SEMA5A: variants seen among roughly 807,000 people sequenced by gnomAD.
SEMA5A encodes semaphorin 5A.
A neutral mutation model predicts 135.5 loss-of-function variants in SEMA5A; 55 were observed. The ratio of observed to expected loss-of-function variants is 0.41; its 90% CI spans 0.33 to 0.51. SEMA5A has a LOEUF of 0.51. Among genes scored for constraint, SEMA5A ranks in the 20% least tolerant of loss-of-function variants. The pLI, the probability that SEMA5A is intolerant of heterozygous loss-of-function variation, is 0.37. For missense variants in SEMA5A, 1,290 were observed against 1,419.9 expected, an observed-to-expected ratio of 0.91 and a Z score of 1.47; for synonymous variants, 580 against 546.5, an observed-to-expected ratio of 1.06 and a Z score of -0.85.
intron 8 of SEMA5A, among the ~76,000 whole-genome samples, chr5:9,206,069 T>C (rs1745997609): frequency 6.6e-6 from 1 of 152,328 alleles, no homozygotes; most frequent in East Asian, 1.9e-4. Context: ...TTAAGTTCTG[T>C]CTTTTCTCAA....
chr5:9,237,719 C>T, intron 6 of SEMA5A, 109 bp downstream of exon 6: 1 of 932,278 alleles, frequency 1.1e-6, no homozygotes, highest in Non-Finnish European at 1.6e-6. Context: ...TTGCTTTTTT[C>T]ACTTTACATG....
chr5:9,384,966 G>T (rs1420551691), intron 2 of SEMA5A, among the ~76,000 whole-genome samples: 1 of 152,044 alleles, frequency 6.6e-6, no homozygotes, highest in Non-Finnish European at 1.5e-5. Flanking sequence ...AATTTTCAAA[G>T]GATCAAAGTT....
intron 3 of SEMA5A, among the ~76,000 whole-genome samples, chr5:9,352,094 C>CGGA (rs1554023405): frequency 7.6e-6 from 1 of 132,252 alleles, no homozygotes; most frequent in East Asian, 2.4e-4. Flanking sequence ...TGTAACAGGT[C>CGGA]GGGGGGGTTA....
intron 6 of SEMA5A, among the ~76,000 whole-genome samples, chr5:9,231,418 G>A (rs1183390017): frequency 1.7e-5 from 2 of 116,044 alleles, no homozygotes; most frequent in African/African-American, 3.4e-5. Flanking sequence ...AGTGAGCCAA[G>A]ATGGCGCCAC....
chr5:9,416,117 T>A (rs938301885), intron 2 of SEMA5A, among the ~76,000 whole-genome samples: 3 of 152,100 alleles, frequency 2.0e-5, no homozygotes, highest in Admixed American at 1.3e-4. Context: ...TGGTAAAAAA[T>A]TATGGCAGTG....
chr5:9,515,453 G>A (rs1736456900), intron 1 of SEMA5A, among the ~76,000 whole-genome samples: 1 of 152,204 alleles, frequency 6.6e-6, no homozygotes, highest in African/African-American at 2.4e-5. Context: ...AATTTTCATT[G>A]AGAACCTTGA....
chr5:9,409,530 G>T (rs960209122), intron 2 of SEMA5A, among the ~76,000 whole-genome samples: 1 of 151,654 alleles, frequency 6.6e-6, no homozygotes, highest in Non-Finnish European at 1.5e-5. Flanking sequence ...CCCAGCCCTG[G>T]GCTCCCCCTC....
At chr5:9,134,070 C>A (rs1741591769) in intron 13 of SEMA5A, among the ~76,000 whole-genome samples, 1 of 152,140 alleles carries the variant, frequency 6.6e-6, no homozygotes, top group Admixed American at 6.5e-5. Context: ...TTCTTCTTCA[C>A]TTTCTGCCAT....
At chr5:9,069,180 C>T (rs1737639728) in intron 16 of SEMA5A, among the ~76,000 whole-genome samples, 1 of 152,192 alleles carries the variant, frequency 6.6e-6, no homozygotes, top group South Asian at 2.1e-4. Flanking sequence ...ACAATTTAAG[C>T]ACAGAGAGCC....
intron 5 of SEMA5A, among the ~76,000 whole-genome samples, chr5:9,312,916 G>A (rs1278333367): frequency 1.3e-5 from 2 of 152,144 alleles, no homozygotes; most frequent in Non-Finnish European, 2.9e-5. Context: ...GTTCTACAGA[G>A]CTGAGCCGCC....
intron 15 of SEMA5A, among the ~76,000 whole-genome samples, chr5:9,113,699 A>T (rs1003010969): frequency 1.3e-5 from 2 of 152,250 alleles, no homozygotes; most frequent in African/African-American, 4.8e-5. Flanking sequence ...ACATGAGAAG[A>T]TGCTCAACAA....
intron 12 of SEMA5A, among the ~76,000 whole-genome samples, chr5:9,147,866 C>CCT (rs1312312314): frequency 6.6e-6 from 1 of 152,056 alleles, no homozygotes; most frequent in Non-Finnish European, 1.5e-5. Flanking sequence ...AGTAAATTAG[C>CCT]AGATAAGGGA....
intron 11 of SEMA5A, among the ~76,000 whole-genome samples, chr5:9,169,600 C>T (rs752556406): frequency 7.9e-5 from 12 of 152,202 alleles, no homozygotes; most frequent in South Asian, 2.1e-4. Flanking sequence ...ATTCTTCTAT[C>T]ATTTTCCATC....
At chr5:9,226,778 T>C (rs962137466) in intron 7 of SEMA5A, 91 bp downstream of exon 7, 13 of 940,480 alleles carry the variant, frequency 1.4e-5, no homozygotes, top group Non-Finnish European at 2.2e-5. Context: ...AACACCTTGG[T>C]GTATAGAAAT....
At chr5:9,087,985 C>T (rs1010745428) in intron 16 of SEMA5A, among the ~76,000 whole-genome samples, 9 of 152,204 alleles carry the variant, frequency 5.9e-5, no homozygotes, top group African/African-American at 2.2e-4. Flanking sequence ...AACACCTGCT[C>T]TTTCAAAATA....
intron 16 of SEMA5A, among the ~76,000 whole-genome samples, chr5:9,084,992 A>T (rs1738598965): frequency 6.6e-6 from 1 of 152,126 alleles, no homozygotes; most frequent in Admixed American, 6.6e-5. Flanking sequence ...CTCTCATTAT[A>T]TTTTAGCAAA....
chr5:9,095,372 T>C (rs1275839481), intron 16 of SEMA5A, among the ~76,000 whole-genome samples: 1 of 152,110 alleles, frequency 6.6e-6, no homozygotes, highest in Non-Finnish European at 1.5e-5. Flanking sequence ...ATTCAGCACA[T>C]GTACCCCAGA....
chr5:9,388,706 T>C (rs1226192704), intron 2 of SEMA5A, among the ~76,000 whole-genome samples: 7 of 152,086 alleles, frequency 4.6e-5, no homozygotes, highest in African/African-American at 4.8e-5. Flanking sequence ...AAGACCATCC[T>C]GGCTAACACA....
chr5:9,418,989 T>A (rs1757374722), intron 2 of SEMA5A, among the ~76,000 whole-genome samples: 1 of 152,236 alleles, frequency 6.6e-6, no homozygotes, highest in African/African-American at 2.4e-5. Flanking sequence ...TCTAACTTCT[T>A]GATGAAAGTG....
Sources: allele counts gnomAD v4.1 joint callset (sites outside exome capture counted in the v4.1 genomes callset), GRCh38; gene constraint gnomAD v4.1.1; transcripts MANE v1.5; gene names NCBI Gene and HGNC (gene_info 2026-07-23, HGNC 2026-07-21).